The following OR3A2 variants were observed in gnomAD, a reference collection of about 807,000 sequenced individuals.
OR3A2 encodes olfactory receptor family 3 subfamily A member 2, also known as olfactory receptor 3A2.
For missense variants in OR3A2, 318 were observed against 392.8 expected, an observed-to-expected ratio of 0.81 and a Z score of 1.61; for synonymous variants, 126 against 159.3, an observed-to-expected ratio of 0.79 and a Z score of 1.57.
intron 2 of OR3A2, among the ~76,000 whole-genome samples, chr17:3,344,031 T>C (rs2049343018): frequency 6.6e-6 from 1 of 152,210 alleles, no homozygotes; most frequent in Admixed American, 6.5e-5. Context: ...CAATACATCT[T>C]AGTGTCATTC....
At chr17:3,379,100 T>G (rs1370407042) in intron 2 of OR3A2, among the ~76,000 whole-genome samples, 6 of 152,154 alleles carry the variant, frequency 3.9e-5, no homozygotes, top group Non-Finnish European at 8.8e-5. Context: ...GGACCCCATA[T>G]GCTGAGTAAA....
rs182846959 is a variant in OR3A2, at chr17:3,366,955, T to C, written c.-179+16849A>G. ...CATATGCTGGCCCTGAGACAAATTA[T>C]AAGCCAGGGAGTGAGATTACCTTGA... On this transcript the variant is annotated intron_variant, in intron 2 of 4. Transcript: ENST00000573491. Among the ~76,000 whole-genome samples the C allele has an allele frequency of 3.7e-3, 570 of 152,334 alleles. 1 individual carries two copies. Among genetic ancestry groups the C allele is most frequent in the Non-Finnish European group, 6.7e-3 (458 of 68,032 alleles).
chr17:3,364,048 C>T (rs528651140), intron 2 of OR3A2, among the ~76,000 whole-genome samples: 40 of 152,236 alleles, frequency 2.6e-4, no homozygotes, highest in Non-Finnish European at 2.9e-5. Flanking sequence ...AAAGCCAAAC[C>T]ATATCACAAG....
chr17:3,369,385 C>T (rs532922778), intron 2 of OR3A2, among the ~76,000 whole-genome samples: 47 of 152,238 alleles, frequency 3.1e-4, no homozygotes, highest in African/African-American at 1.0e-3. Context: ...TGATAGATGG[C>T]TTTTATTACC....
At chr17:3,288,883 C>T (rs1021515458), upstream of OR3A2, among the ~76,000 whole-genome samples, 1 of 152,150 alleles carries the variant, frequency 6.6e-6, no homozygotes, top group Non-Finnish European at 1.5e-5. Context: ...TATATAAATA[C>T]TAATCTCAGT....
In OR3A2 at chr17:3,279,164, ATG is replaced by A; in HGVS notation, c.-6-243_-6-242del. ...AAAAGGTCAGAATACCTGGAACAAC[ATG>A]AGAACTATAGTTAATAAAGTGTATT... On this transcript the variant is annotated intron_variant, in intron 1 of 1. Coordinates refer to ENST00000642052, the Ensembl canonical transcript of OR3A2. 1 of 635,184 alleles carries A rather than the reference ATG, an allele frequency of 1.6e-6. No homozygotes were observed. Among genetic ancestry groups the A allele is most frequent in the Non-Finnish European group, 2.7e-6 (1 of 369,458 alleles). 39.3% of individuals were successfully genotyped at this position (635,184 alleles called of 1,614,324 possible).
rs573190160 is a variant in OR3A2 at position 3,344,076 on chromosome 17, G to A, written c.-178-7950C>T. 2.2e-3 allele frequency among the ~76,000 whole-genome samples: 341 copies of A among 152,248 alleles called. 6 individuals carry two copies. The highest frequency in any genetic ancestry group is 2.1e-4 in the Non-Finnish European group (14 of 68,020). The stretch of plus-strand genomic sequence containing the variant: ...TGATTTTTCCACTCAGTGATATACA[G>A]GAGTGCTGTAGTGCCACATCAGTGC... On this transcript the variant is annotated intron_variant, in intron 2 of 4. Transcript: ENST00000573491.
intron 2 of OR3A2, among the ~76,000 whole-genome samples, chr17:3,355,150 G>A (rs1442708571): frequency 1.3e-5 from 2 of 151,220 alleles, no homozygotes; most frequent in Admixed American, 6.6e-5. Context: ...ATTCCATTGT[G>A]GTCAGAGAAG....
At chr17:3,303,906 GAT>G (rs962232522) in intron 3 of OR3A2, among the ~76,000 whole-genome samples, 19 of 132,510 alleles carry the variant, frequency 1.4e-4, no homozygotes, top group African/African-American at 5.0e-4. Context: ...TAAATAAATA[GAT>G]ATAGATATAG....
intron 2 of OR3A2, among the ~76,000 whole-genome samples, chr17:3,382,994 T>C (rs1253241432): frequency 2.0e-5 from 3 of 152,192 alleles, no homozygotes; most frequent in Admixed American, 1.3e-4. Flanking sequence ...TGAGCCATCA[T>C]ACGGCTAGAG....
intron 2 of OR3A2, among the ~76,000 whole-genome samples, chr17:3,359,886 T>A (rs1325169048): frequency 1.3e-5 from 2 of 151,800 alleles, no homozygotes; most frequent in Admixed American, 6.5e-5. Flanking sequence ...AACATATGTG[T>A]GCATGTGTCT....
rs754169643 is a variant in OR3A2, at chr17:3,311,368, GCTAT to G, written c.-85+24661_-85+24664del. 1.9e-6 allele frequency: 1 copy of G among 526,268 alleles called. No individual in the cohort carries two copies. The highest frequency in any genetic ancestry group is 5.5e-5 in the East Asian group (1 of 18,118). 32.6% of individuals were successfully genotyped at this position (526,268 alleles called of 1,614,324 possible). A position where few individuals can be genotyped will look rare whatever the true frequency, so the allele number is the denominator to read the frequency against. On this transcript the variant is annotated intron_variant, in intron 3 of 4. Transcript: ENST00000573491. The surrounding 1 kb of genome is among the most constrained non-coding windows in gnomAD (Gnocchi z 4.6). ...AGCCATGGCCTATGACCGCTACCTGGCTATCTGTCAGCTTCTCACCAACAGCACT... is the reference window on the plus strand; with the variant it reads ...AGCCATGGCCTATGACCGCTACCTGGCTGTCAGCTTCTCACCAACAGCACT...
intron 2 of OR3A2, among the ~76,000 whole-genome samples, chr17:3,337,322 C>T (rs561390813): frequency 8.0e-4 from 122 of 152,252 alleles, no homozygotes; most frequent in Non-Finnish European, 1.4e-3. Context: ...ATGTGCACAA[C>T]GTGCAGGTTT....
At chr17:3,374,312 C>CT (rs1261443294) in intron 2 of OR3A2, among the ~76,000 whole-genome samples, 1 of 152,160 alleles carries the variant, frequency 6.6e-6, no homozygotes, top group Admixed American at 6.5e-5. Context: ...CCAGGGTGTT[C>CT]TTTGAGCTTC....
At chr17:3,382,561 C>A (rs1341128782) in intron 2 of OR3A2, among the ~76,000 whole-genome samples, 3 of 152,222 alleles carry the variant, frequency 2.0e-5, no homozygotes, top group East Asian at 1.9e-4. Flanking sequence ...CATTTCTCTG[C>A]TATCTTCTTT....
At chr17:3,378,453 T>C (rs1459338254) in intron 2 of OR3A2, among the ~76,000 whole-genome samples, 1 of 152,136 alleles carries the variant, frequency 6.6e-6, no homozygotes, top group African/African-American at 2.4e-5. Context: ...TTCAAGCCCG[T>C]GGGGGCAGGG....
At chr17:3,372,732 G>A (rs1358199164) in intron 2 of OR3A2, among the ~76,000 whole-genome samples, 1 of 151,862 alleles carries the variant, frequency 6.6e-6, no homozygotes, top group Non-Finnish European at 1.5e-5. Context: ...GCTGAGGCAG[G>A]AGAATCAGGC....
intron 3 of OR3A2, among the ~76,000 whole-genome samples, chr17:3,316,240 A>G (rs1447347521): frequency 3.3e-5 from 5 of 152,198 alleles, no homozygotes; most frequent in Non-Finnish European, 7.3e-5. Flanking sequence ...CTTCTAGCAA[A>G]ATTTTTGCCC....
chr17:3,345,446 CAGAGAG>C (rs1056753543), intron 2 of OR3A2, among the ~76,000 whole-genome samples: 1 of 115,456 alleles, frequency 8.7e-6, no homozygotes, highest in Non-Finnish European at 1.8e-5. Flanking sequence ...GAGATAGAGA[CAGAGAG>C]AGAGACCAAA....
Sources: allele counts gnomAD v4.1 joint callset (sites outside exome capture counted in the v4.1 genomes callset), GRCh38; gene constraint gnomAD v4.1.1; non-coding constraint Gnocchi (gnomAD v3.1); transcripts MANE v1.5; gene names NCBI Gene and HGNC (gene_info 2026-07-23, HGNC 2026-07-21).